NCKAP5: variants seen among roughly 807,000 people sequenced by gnomAD.
NCKAP5 encodes NCK associated protein 5, also known as nck-associated protein 5.
Under a neutral mutation model 167.0 loss-of-function variants are expected in NCKAP5, and 92 were observed. The ratio of observed to expected loss-of-function variants is 0.55; its 90% CI spans 0.47 to 0.66. NCKAP5 has a LOEUF of 0.66. NCKAP5 is among the 30% of genes least tolerant of loss of function. NCKAP5 has a pLI of 0.00. For missense variants in NCKAP5, 2,378 were observed against 2,315.0 expected (o/e 1.03, Z -0.56); for synonymous variants, 891 against 877.4 (o/e 1.02, Z -0.27).
At chr2:132,721,892 T>C (rs1327264107) in intron 19 of NCKAP5, among the ~76,000 whole-genome samples, 1 of 151,990 alleles carries the variant, frequency 6.6e-6, no homozygotes, top group Non-Finnish European at 1.5e-5. Flanking sequence ...TTGTGCTGCT[T>C]CTAGGACCTC....
intron 5 of NCKAP5, among the ~76,000 whole-genome samples, chr2:133,197,271 G>A (rs1220863435): frequency 1.3e-5 from 2 of 151,988 alleles, no homozygotes; most frequent in African/African-American, 2.4e-5. Context: ...GACCAGAGAC[G>A]AGATCACACT....
At chr2:132,776,621 A>C (rs1004620278) in intron 15 of NCKAP5, among the ~76,000 whole-genome samples, 7 of 152,198 alleles carry the variant, frequency 4.6e-5, no homozygotes, top group Non-Finnish European at 7.3e-5. Context: ...GGAAAGTGGG[A>C]GAGTGCTTTA....
intron 3 of NCKAP5, among the ~76,000 whole-genome samples, chr2:133,500,815 T>C: frequency 6.6e-6 from 1 of 152,212 alleles, no homozygotes; most frequent in Non-Finnish European, 1.5e-5. Context: ...TCTTTCCCTA[T>C]AAAATATCTC....
chr2:133,278,860 G>A (rs539635796), intron 4 of NCKAP5, among the ~76,000 whole-genome samples: 2 of 151,588 alleles, frequency 1.3e-5, no homozygotes, highest in East Asian at 3.9e-4. Flanking sequence ...ATAGTCATGG[G>A]CAAACAATTC....
chr2:132,952,012 T>C (rs1289797929), intron 8 of NCKAP5, among the ~76,000 whole-genome samples: 1 of 152,208 alleles, frequency 6.6e-6, no homozygotes, highest in Non-Finnish European at 1.5e-5. Flanking sequence ...ACTTACTTTG[T>C]AGAGTAAGGA....
chr2:133,466,917 T>C (rs890456358), intron 3 of NCKAP5, among the ~76,000 whole-genome samples: 13 of 152,274 alleles, frequency 8.5e-5, no homozygotes, highest in Non-Finnish European at 1.6e-4. Context: ...TGGGCTGAGA[T>C]AATGGGTTTT....
chr2:133,590,164 C>G, the NCKAP5 span, among the ~76,000 whole-genome samples: 5 of 152,140 alleles, frequency 3.3e-5, no homozygotes, highest in Non-Finnish European at 7.4e-5. Context: ...TTCCTACATC[C>G]CTATCCTCAG....
Position 132,782,497 on chromosome 2 carries a change from T to C in NCKAP5, c.4314A>G (p.Glu1438=), listed in dbSNP as rs1418963018. The change falls in exon 14 of 20, where the codon GAA becomes GAG. Residue 1438 remains glutamate, a synonymous_variant. Coordinates refer to ENST00000409261, the MANE Select transcript of NCKAP5 (RefSeq NM_207363.3). ...PGRTQHPSTF[E]TSSTSKLETS... ...TTTCTAGCTTGGATGTACTGCTTGTTTCAAAAGTGCTTGGATGCTGAGTCC... is the reference window on the plus strand; with the variant it reads ...TTTCTAGCTTGGATGTACTGCTTGTCTCAAAAGTGCTTGGATGCTGAGTCC... The C allele has an allele frequency of 7.5e-6, 12 of 1,608,420 alleles. No homozygotes were observed. The highest frequency in any genetic ancestry group is 8.5e-6 in the Non-Finnish European group (10 of 1,177,536).
At position 132,904,029 on chromosome 2, in the gene NCKAP5, C is replaced by T. The variant is rs1273351994; in HGVS notation, c.580-25113G>A. On this transcript the variant is annotated intron_variant, in intron 8 of 19. Transcript: ENST00000409261. ...AATGGCCCGGCGCGGTGGCTCACGCCTGTAATCCCAGCACTTTGGGAGGCT... is the reference window on the plus strand; with the variant it reads ...AATGGCCCGGCGCGGTGGCTCACGCTTGTAATCCCAGCACTTTGGGAGGCT... Among the ~76,000 whole-genome samples, 7 of 152,268 alleles carry T rather than the reference C, an allele frequency of 4.6e-5. No homozygotes were observed. In the East Asian group the frequency reaches 1.4e-3, roughly 29 times the overall value.
intron 19 of NCKAP5, 101 bp from the exon 20 acceptor site, chr2:132,673,406 G>T: frequency 3.1e-6 from 3 of 973,362 alleles, no homozygotes; most frequent in Admixed American, 3.7e-5. Context: ...CAGTTTAAAG[G>T]GACAGAGAAA....
At chr2:132,703,442 G>T (rs1688061585) in intron 19 of NCKAP5, among the ~76,000 whole-genome samples, 1 of 151,986 alleles carries the variant, frequency 6.6e-6, no homozygotes, top group Admixed American at 6.6e-5. Context: ...TTGTATTATT[G>T]CCTGGATTTA....
rs1170243263 is a variant in NCKAP5, at chr2:132,783,426, T to C, written c.3385A>G (p.Asn1129Asp). The C allele has an allele frequency of 6.3e-7, 1 of 1,588,940 alleles. No homozygotes were observed. Among genetic ancestry groups the C allele is most frequent in the South Asian group, 1.2e-5 (1 of 85,960 alleles). The change falls in exon 14 of 20, where the codon AAC (asparagine) becomes GAC (aspartate). Residue 1129 changes from asparagine to aspartate, a missense_variant. This residue lies in a region of NCKAP5 where 1,325 missense variants were observed against 1,274.5 expected (regional missense o/e 1.04). Transcript: ENST00000409261. ...GCACTTTGACAACCATGAGGGCTGT[T>C]ATGGCTTTTGGCGGGTGATGAGGAT... ...SSSSSPAKSH[N>D]SPHGCQSAHE...
intron 19 of NCKAP5, 24 bp from the exon 20 acceptor site, chr2:132,673,329 T>C: frequency 7.1e-7 from 1 of 1,402,958 alleles, no homozygotes; most frequent in South Asian, 1.3e-5. Context: ...AAGAAAATAT[T>C]AGAAACATAT....
At chr2:133,201,441 T>A (rs959283957) in intron 5 of NCKAP5, among the ~76,000 whole-genome samples, 1 of 151,958 alleles carries the variant, frequency 6.6e-6, no homozygotes, top group African/African-American at 2.4e-5. Flanking sequence ...TAGGTTGAAG[T>A]AAAGAAGCCA....
At chr2:133,138,833 C>G (rs2082892776) in intron 5 of NCKAP5, among the ~76,000 whole-genome samples, 1 of 152,192 alleles carries the variant, frequency 6.6e-6, no homozygotes, top group Non-Finnish European at 1.5e-5. Context: ...CTGCATTACA[C>G]AGTTGCTCAC....
intron 3 of NCKAP5, among the ~76,000 whole-genome samples, chr2:133,402,109 G>T (rs1688140987): frequency 1.3e-5 from 2 of 152,124 alleles, no homozygotes; most frequent in Non-Finnish European, 2.9e-5. Flanking sequence ...TTTTAGTTAG[G>T]ATTTAATCCA....
chr2:132,841,142 A>C (rs1001373864), intron 11 of NCKAP5, among the ~76,000 whole-genome samples: 2 of 152,156 alleles, frequency 1.3e-5, no homozygotes, highest in Admixed American at 6.5e-5. Context: ...GTTCAGTCTG[A>C]TATCTAGCAA....
At chr2:133,230,448 A>G (rs886659003) in intron 4 of NCKAP5, among the ~76,000 whole-genome samples, 2 of 152,202 alleles carry the variant, frequency 1.3e-5, no homozygotes, top group African/African-American at 4.8e-5. Context: ...TGAAGAGTGC[A>G]ATTAGAGAAA....
rs749407465 is a variant in NCKAP5 at position 132,782,638 on chromosome 2, G to T, written c.4173C>A (p.Phe1391Leu). The T allele has an allele frequency of 1.2e-6, 2 of 1,607,128 alleles. No individual in the cohort carries two copies. Among genetic ancestry groups the T allele is most frequent in the Admixed American group, 1.7e-5 (1 of 59,382 alleles). Residue 1391 changes from phenylalanine (F) to leucine (L), a missense_variant, in exon 14 of 20, where the codon TTC becomes TTA. Around this residue, in one of 3 missense-constraint regions of NCKAP5, gnomAD observed 1,325 missense variants for 1,274.5 expected, o/e 1.04. Coordinates refer to ENST00000409261, the MANE Select transcript of NCKAP5 (RefSeq NM_207363.3). The part of the protein sequence containing the change: ...IPPGKEDQQA[F>L]TQGECPSANV... ...TGGCACTGGGGCACTCTCCCTGGGT[G>T]AAGGCCTGCTGGTCTTCCTTTCCAG...
Sources: gnomAD v4.1 joint callset for allele counts (sites outside exome capture counted in the v4.1 genomes callset) on GRCh38, gnomAD v4.1.1 for gene constraint, gnomAD v4.1.1 regional missense constraint, MANE v1.5 for transcripts, NCBI Gene and HGNC (gene_info 2026-07-23, HGNC 2026-07-21) for gene names.